The following ATG5 variants were observed in gnomAD, a reference collection of about 807,000 sequenced individuals.
ATG5 encodes autophagy related 5.
In ATG5, 14 loss-of-function variants were observed where a neutral mutation model predicts 36.5. The ratio of observed to expected loss-of-function variants is 0.38; its 90% CI spans 0.25 to 0.60. The LOEUF (loss-of-function observed/expected upper bound fraction) is 0.60, where lower values mean the gene tolerates loss of function less well. Among genes scored for constraint, ATG5 ranks in the 20% least tolerant of loss-of-function variants. The pLI, the probability that ATG5 is intolerant of heterozygous loss-of-function variation, is 0.60. For synonymous variants in ATG5, 95 were observed against 101.5 expected (o/e 0.94, Z 0.38); for missense variants, 195 against 326.7 (o/e 0.60, Z 3.11).
intron 6 of ATG5, among the ~76,000 whole-genome samples, chr6:106,215,078 A>G (rs1562215904): frequency 6.6e-6 from 1 of 152,260 alleles, no homozygotes; most frequent in African/African-American, 2.4e-5. Flanking sequence ...AATGTAATTA[A>G]TAAACTATTT....
chr6:106,225,790 T>G (rs1193848291), intron 6 of ATG5, among the ~76,000 whole-genome samples: 1 of 152,194 alleles, frequency 6.6e-6, no homozygotes, highest in African/African-American at 2.4e-5. Context: ...TGCAAACAAT[T>G]TTATCACCAG....
At chr6:106,296,678 C>T (rs185300253) in intron 3 of ATG5, among the ~76,000 whole-genome samples, 134 of 152,176 alleles carry the variant, frequency 8.8e-4, no homozygotes, top group Non-Finnish European at 1.3e-3. Flanking sequence ...ATTAGCTGGG[C>T]GTGGTCGCAT....
intron 7 of ATG5, among the ~76,000 whole-genome samples, chr6:106,200,682 A>G (rs932257511): frequency 6.6e-6 from 1 of 152,038 alleles, no homozygotes; most frequent in Non-Finnish European, 1.5e-5. Flanking sequence ...GGGTTTCACC[A>G]TGTTAGCCAG....
chr6:106,280,191 TAAG>T (rs972335325), intron 4 of ATG5, among the ~76,000 whole-genome samples: 1 of 149,374 alleles, frequency 6.7e-6, no homozygotes, highest in Non-Finnish European at 1.5e-5. Context: ...GGTAGTTTCT[TAAG>T]AAGAGTAAAC....
At chr6:106,324,271 T>C (rs1006389483) in intron 1 of ATG5, among the ~76,000 whole-genome samples, 9 of 152,206 alleles carry the variant, frequency 5.9e-5, no homozygotes, top group Admixed American at 5.2e-4. Context: ...TAACAACTAT[T>C]TATACAGCAT....
At position 106,184,686 on chromosome 6, in the gene ATG5, T is replaced by C. The variant is rs1775701350; in HGVS notation, c.*1854A>G. The C allele has an allele frequency of 6.6e-6, 1 of 152,316 alleles. No homozygotes were observed. Among genetic ancestry groups the C allele is most frequent in the African/African-American group, 2.4e-5 (1 of 41,462 alleles). The allele number at this position is 152,316 out of a possible 1,614,324, so 9.4% of individuals were successfully genotyped here. On this transcript the variant is annotated 3_prime_UTR_variant, in exon 8 of 8. Coordinates refer to ENST00000369076, the MANE Select transcript of ATG5 (RefSeq NM_004849.4). Reference sequence around the variant, plus strand: ...TGGGCAATGTCTTCATAAAATTTACTTTCAAATCTAGATCAGAAGTTCACT... The same window carrying C: ...TGGGCAATGTCTTCATAAAATTTACCTTCAAATCTAGATCAGAAGTTCACT...
At chr6:106,190,401 C>G (rs187028993) in intron 7 of ATG5, among the ~76,000 whole-genome samples, 97 of 152,274 alleles carry the variant, frequency 6.4e-4, no homozygotes, top group African/African-American at 2.3e-3. Context: ...TAAACACCCC[C>G]CAAAAAGCCT....
chr6:106,286,749 C>T (rs1006986642), intron 4 of ATG5, among the ~76,000 whole-genome samples: 2 of 152,220 alleles, frequency 1.3e-5, no homozygotes, highest in African/African-American at 4.8e-5. Flanking sequence ...GGAAAGTCCA[C>T]ATGACAAGAA....
intron 6 of ATG5, among the ~76,000 whole-genome samples, chr6:106,222,123 T>G (rs950047100): frequency 6.6e-6 from 1 of 152,150 alleles, no homozygotes; most frequent in Non-Finnish European, 1.5e-5. Context: ...CAGGATGGTC[T>G]CAAACTCCCA....
chr6:106,255,079 C>A (rs1350354053), intron 5 of ATG5, among the ~76,000 whole-genome samples: 1 of 152,198 alleles, frequency 6.6e-6, no homozygotes, highest in Non-Finnish European at 1.5e-5. Context: ...CCATTTACCT[C>A]CCATCAATTT....
intron 5 of ATG5, among the ~76,000 whole-genome samples, chr6:106,269,727 C>T (rs1052173909): frequency 6.6e-6 from 1 of 152,238 alleles, no homozygotes; most frequent in African/African-American, 2.4e-5. Flanking sequence ...CCACACCCAC[C>T]CGGAACTCCA....
intron 3 of ATG5, among the ~76,000 whole-genome samples, chr6:106,306,266 A>C (rs1750510470): frequency 6.6e-6 from 1 of 152,260 alleles, no homozygotes; most frequent in Non-Finnish European, 1.5e-5. Context: ...CTATTTACCC[A>C]TAAACCTATA....
At chr6:106,241,554 A>G (rs953399356) in intron 6 of ATG5, among the ~76,000 whole-genome samples, 2 of 152,244 alleles carry the variant, frequency 1.3e-5, no homozygotes, top group Non-Finnish European at 2.9e-5. Flanking sequence ...ATGTCAATTC[A>G]ACTGGGCCAG....
At chr6:106,260,087 T>C (rs372540364) in intron 5 of ATG5, among the ~76,000 whole-genome samples, 3 of 152,066 alleles carry the variant, frequency 2.0e-5, no homozygotes. Context: ...GCAGGGAACA[T>C]CACACACTGA....
intron 7 of ATG5, among the ~76,000 whole-genome samples, chr6:106,192,107 C>T (rs978963179): frequency 6.6e-6 from 1 of 152,002 alleles, no homozygotes. Context: ...GAAACCTTCA[C>T]GTTTATTTAA....
intron 7 of ATG5, among the ~76,000 whole-genome samples, chr6:106,197,532 G>T (rs1776245520): frequency 6.6e-6 from 1 of 151,768 alleles, no homozygotes; most frequent in East Asian, 1.9e-4. Flanking sequence ...TTGGGGTGGG[G>T]GGGGCGGGGG....
At chr6:106,213,569 A>G (rs1469260166) in intron 6 of ATG5, among the ~76,000 whole-genome samples, 1 of 152,226 alleles carries the variant, frequency 6.6e-6, no homozygotes, top group Non-Finnish European at 1.5e-5. Context: ...AAGTCATTTG[A>G]GTATTCAGAG....
At chr6:106,247,766 G>C (rs1778402111) in intron 6 of ATG5, among the ~76,000 whole-genome samples, 1 of 152,178 alleles carries the variant, frequency 6.6e-6, no homozygotes, top group Non-Finnish European at 1.5e-5. Flanking sequence ...AAGAAGGCTT[G>C]TTTATAGTAT....
intron 1 of ATG5, among the ~76,000 whole-genome samples, chr6:106,318,894 G>A (rs1043131429): frequency 5.3e-5 from 8 of 152,014 alleles, no homozygotes; most frequent in African/African-American, 1.9e-4. Context: ...AGAAAAATTG[G>A]GGATACATGA....
Sources: gnomAD v4.1 joint callset for allele counts (sites outside exome capture counted in the v4.1 genomes callset) on GRCh38, gnomAD v4.1.1 for gene constraint, MANE v1.5 for transcripts, NCBI Gene and HGNC (gene_info 2026-07-23, HGNC 2026-07-21) for gene names.